Variants in NRXN3 observed in about 807,000 individuals in gnomAD.
NRXN3 encodes neurexin 3.
NRXN3 carries 32 observed loss-of-function variants against 137.6 expected under a neutral mutation model. That is an observed-to-expected ratio of 0.23 (90% CI 0.18 to 0.31). The LOEUF (loss-of-function observed/expected upper bound fraction) is 0.31. Among genes scored for constraint, NRXN3 ranks in the 10% least tolerant of loss-of-function variants. The pLI is 1.00. For missense variants in NRXN3, 1,574 were observed against 2,062.5 expected (o/e 0.76, Z 4.59); for synonymous variants, 798 against 784.5 (o/e 1.02, Z -0.29).
At chr14:79,262,004 A>G (rs1197115119) in intron 15 of NRXN3, among the ~76,000 whole-genome samples, 1 of 152,100 alleles carries the variant, frequency 6.6e-6, no homozygotes, top group African/African-American at 2.4e-5. Context: ...AGCCCAGATT[A>G]TATTTCAGGG....
intron 2 of NRXN3, among the ~76,000 whole-genome samples, chr14:78,245,865 A>T (rs1049251388): frequency 1.3e-5 from 2 of 152,110 alleles, no homozygotes; most frequent in South Asian, 4.2e-4. Context: ...CACTGAACCC[A>T]CTGGGAGAAG....
At chr14:78,277,926 G>T (rs1449037698) in intron 2 of NRXN3, among the ~76,000 whole-genome samples, 1 of 152,158 alleles carries the variant, frequency 6.6e-6, no homozygotes, top group Non-Finnish European at 1.5e-5. Context: ...GGCAATTTCT[G>T]TCATTAGTGT....
chr14:79,832,350 C>A (rs2099326458), intron 20 of NRXN3, among the ~76,000 whole-genome samples: 1 of 152,110 alleles, frequency 6.6e-6, no homozygotes, highest in African/African-American at 2.4e-5. Context: ...TCCTAAGTTG[C>A]ATTGTGGAAC....
chr14:78,614,251 T>C (rs1343560686), intron 4 of NRXN3, among the ~76,000 whole-genome samples: 1 of 152,204 alleles, frequency 6.6e-6, no homozygotes, highest in Non-Finnish European at 1.5e-5. Context: ...TGGTGAGTCA[T>C]ATGTGGCATG....
At chr14:79,159,938 C>T (rs1242803674) in intron 15 of NRXN3, among the ~76,000 whole-genome samples, 1 of 151,878 alleles carries the variant, frequency 6.6e-6, no homozygotes, top group Non-Finnish European at 1.5e-5. Context: ...ATATATCCAT[C>T]TACATATATG....
intron 2 of NRXN3, among the ~76,000 whole-genome samples, chr14:78,246,416 C>T (rs547948022): frequency 5.9e-5 from 9 of 151,968 alleles, no homozygotes; most frequent in Non-Finnish European, 1.2e-4. Flanking sequence ...CTCCTGGCTA[C>T]GGATTGATAC....
chr14:79,163,868 A>G (rs561413428), intron 15 of NRXN3, among the ~76,000 whole-genome samples: 1 of 151,458 alleles, frequency 6.6e-6, no homozygotes, highest in South Asian at 2.1e-4. Context: ...TCTAAAAATA[A>G]TTGTTATAAT....
At chr14:78,742,006 A>G (rs1312300778) in intron 8 of NRXN3, among the ~76,000 whole-genome samples, 1 of 152,140 alleles carries the variant, frequency 6.6e-6, no homozygotes, top group Admixed American at 6.5e-5. Flanking sequence ...TTTGAGCTCT[A>G]TGGAGACCTA....
intron 17 of NRXN3, among the ~76,000 whole-genome samples, chr14:79,672,416 A>G (rs1358303173): frequency 6.6e-6 from 1 of 152,112 alleles, no homozygotes; most frequent in African/African-American, 2.4e-5. Context: ...ATTTTAATTA[A>G]ATAATATCTT....
At chr14:79,531,498 G>T (rs972645831) in intron 16 of NRXN3, among the ~76,000 whole-genome samples, 3 of 152,204 alleles carry the variant, frequency 2.0e-5, no homozygotes, top group Non-Finnish European at 4.4e-5. Context: ...GAGATTTTTA[G>T]AGTACGTTAA....
At chr14:78,396,465 C>T (rs979678670) in intron 4 of NRXN3, among the ~76,000 whole-genome samples, 1 of 152,084 alleles carries the variant, frequency 6.6e-6, no homozygotes, top group African/African-American at 2.4e-5. Flanking sequence ...TTTAAAAAGT[C>T]ATTTTCTTTG....
At chr14:78,455,202 T>G (rs555813801) in intron 4 of NRXN3, among the ~76,000 whole-genome samples, 2 of 152,282 alleles carry the variant, frequency 1.3e-5, no homozygotes, top group Admixed American at 6.5e-5. Context: ...TCACCAGGAC[T>G]TGGGAGTTAG....
chr14:79,025,656 T>A (rs557834282), intron 15 of NRXN3, among the ~76,000 whole-genome samples: 3 of 152,182 alleles, frequency 2.0e-5, no homozygotes, highest in Non-Finnish European at 4.4e-5. Flanking sequence ...TGGTCCTTTT[T>A]ATATAGTCTT....
chr14:79,148,445 A>G (rs760979991), intron 15 of NRXN3, among the ~76,000 whole-genome samples: 35 of 152,266 alleles, frequency 2.3e-4, no homozygotes, highest in Admixed American at 9.8e-4. Context: ...ACTCGGGAGT[A>G]GGGATGTGTT....
intron 4 of NRXN3, among the ~76,000 whole-genome samples, chr14:78,481,851 C>CT (rs965315320): frequency 1.1e-4 from 16 of 152,022 alleles, no homozygotes; most frequent in African/African-American, 3.9e-4. Context: ...ACTCAAGACT[C>CT]TTTTATATTA....
Position 78,575,331 on chromosome 14 carries a change from A to G in NRXN3, c.758-69789A>G, listed in dbSNP as rs150750664. On this transcript the variant is annotated intron_variant, in intron 4 of 20. Transcript: ENST00000335750. Reference sequence around the variant, plus strand: ...AACACATGGAGGGGAAAGTGAGTGTAGTTGCAGGTTTTCAGGAGAAAATCT... The same window carrying G: ...AACACATGGAGGGGAAAGTGAGTGTGGTTGCAGGTTTTCAGGAGAAAATCT... Among the ~76,000 whole-genome samples the G allele has an allele frequency of 4.2e-3, 635 of 152,350 alleles. 10 individuals carry two copies. The highest frequency in any genetic ancestry group is 0.014 in the African/African-American group (599 of 41,590).
At chr14:79,261,471 G>A (rs910993385) in intron 15 of NRXN3, among the ~76,000 whole-genome samples, 3 of 152,080 alleles carry the variant, frequency 2.0e-5, no homozygotes, top group African/African-American at 7.2e-5. Flanking sequence ...ATGAGGGGAC[G>A]TCTCATGGAA....
intron 4 of NRXN3, among the ~76,000 whole-genome samples, chr14:78,303,148 C>T (rs2077038050): frequency 1.3e-5 from 2 of 152,082 alleles, no homozygotes; most frequent in South Asian, 2.1e-4. Context: ...TCTAGAATTT[C>T]CTCATCTCTT....
intron 17 of NRXN3, among the ~76,000 whole-genome samples, chr14:79,690,835 A>G (rs1302606506): frequency 6.6e-6 from 1 of 152,156 alleles, no homozygotes; most frequent in East Asian, 1.9e-4. Context: ...ATGCTTTAGC[A>G]TGCCCCTATT....
Sources: allele counts gnomAD v4.1 joint callset (sites outside exome capture counted in the v4.1 genomes callset), GRCh38; gene constraint gnomAD v4.1.1; transcripts MANE v1.5; gene names NCBI Gene and HGNC (gene_info 2026-07-23, HGNC 2026-07-21).